Variants in RRH observed in about 807,000 individuals in gnomAD.
The protein encoded by RRH is visual pigment-like receptor peropsin.
A neutral mutation model predicts 33.1 loss-of-function variants in RRH; 36 were observed. The observed-to-expected ratio is 1.09, with a 90% CI of 0.83 to 1.44. The LOEUF (loss-of-function observed/expected upper bound fraction) is 1.44. RRH is among the 40% of genes most tolerant of loss of function. The pLI, the probability that RRH is intolerant of heterozygous loss-of-function variation, is 0.00. For missense variants in RRH, 393 were observed against 420.2 expected, an observed-to-expected ratio of 0.94 and a Z score of 0.57; for synonymous variants, 124 against 140.2, an observed-to-expected ratio of 0.88 and a Z score of 0.82.
Position 109,844,274 on chromosome 4 carries a change from G to T in RRH, c.*77G>T, listed in dbSNP as rs147927116. On this transcript the variant is annotated 3_prime_UTR_variant, in exon 7 of 7. Coordinates refer to ENST00000317735, the MANE Select transcript of RRH (RefSeq NM_006583.5). ...TTTCTTTTAAATATGAGCCCATTTAGATCAAGTGCAGACATGGATCATTGT... is the reference window on the plus strand; with the variant it reads ...TTTCTTTTAAATATGAGCCCATTTATATCAAGTGCAGACATGGATCATTGT... The T allele has an allele frequency of 1.6e-3, 1,459 of 896,556 alleles. 4 individuals are homozygous for T. The African/African-American group carries it at 0.018, about 11-fold the overall frequency. The allele number at this position is 896,556 out of a possible 1,614,324, so 55.5% of individuals were successfully genotyped here.
intron 1 of RRH, among the ~76,000 whole-genome samples, chr4:109,831,095 C>T (rs548016810): frequency 6.6e-6 from 1 of 152,276 alleles, no homozygotes; most frequent in Admixed American, 6.5e-5. Context: ...TAGTTCATAA[C>T]CCCCATTATT....
At chr4:109,829,455 CT>C (rs970151509) in intron 1 of RRH, among the ~76,000 whole-genome samples, 2 of 150,850 alleles carry the variant, frequency 1.3e-5, no homozygotes, top group Non-Finnish European at 3.0e-5. Flanking sequence ...CAAAACTATC[CT>C]TTTTTGACCT....
intron 6 of RRH, 86 bp from the exon 7 acceptor site, chr4:109,843,997 T>C: frequency 1.2e-6 from 1 of 839,112 alleles, no homozygotes; most frequent in South Asian, 1.3e-5. Flanking sequence ...AAATTGGCAG[T>C]AGTGGCATCT....
intron 4 of RRH, 42 bp from the exon 5 acceptor site, chr4:109,837,395 G>T (rs4698750): frequency 0.16 from 240,563 of 1,536,680 alleles, 22,778 homozygotes; most frequent in Admixed American, 0.42. Context: ...CCCCACTTAG[G>T]ACATTAAATG....
intron 4 of RRH, among the ~76,000 whole-genome samples, chr4:109,836,531 A>G (rs1443361655): frequency 6.6e-6 from 1 of 152,210 alleles, no homozygotes; most frequent in Non-Finnish European, 1.5e-5. Context: ...GCAAAAGCCC[A>G]GGCTGCCTCC....
rs1017030569 is a variant in RRH at position 109,844,665 on chromosome 4, A to C, written c.*468A>C. 6.4e-6 allele frequency: 1 copy of C among 157,390 alleles called. No individual in the cohort carries two copies. The highest frequency in any genetic ancestry group is 6.2e-5 in the Admixed American group (1 of 16,226). 9.7% of individuals were successfully genotyped at this position (157,390 alleles called of 1,614,324 possible). A position where few individuals can be genotyped will look rare whatever the true frequency, so the allele number is the denominator to read the frequency against. ...TAAATCAATTAACTTATGTTATTAA[A>C]CAAAAATAAATGAACATTAAACATG... On this transcript the variant is annotated 3_prime_UTR_variant, in exon 7 of 7. Coordinates refer to ENST00000317735, the MANE Select transcript of RRH (RefSeq NM_006583.5).
At chr4:109,834,497 T>A (rs1733836420) in intron 2 of RRH, among the ~76,000 whole-genome samples, 1 of 230 alleles carries the variant, frequency 4.3e-3, no homozygotes, top group Admixed American at 0.1. Flanking sequence ...GCCTGGCTAA[T>A]TTTTTTTTTT....
At position 109,839,096 on chromosome 4, in the gene RRH, G is replaced by GTTTTTGTTTCTTTTTGTTTCTACTTTC. The variant is rs1172324070; in HGVS notation, c.720+1492_720+1493insTTTTGTTTCTTTTTGTTTCTACTTTCT. Reference sequence around the variant, plus strand: ...TTGTCTATTTTTGTTTGTTTCTTTTGTGGTTGTTGTTTGTTTCTTTTTGTT... The same window carrying GTTTTTGTTTCTTTTTGTTTCTACTTTC: ...TTGTCTATTTTTGTTTGTTTCTTTTGTTTTTGTTTCTTTTTGTTTCTACTTTCTGGTTGTTGTTTGTTTCTTTTTGTT... On this transcript the variant is annotated intron_variant, in intron 5 of 6. Transcript: ENST00000317735. Among the ~76,000 whole-genome samples the GTTTTTGTTTCTTTTTGTTTCTACTTTC allele has an allele frequency of 2.7e-3, 405 of 149,568 alleles. 2 individuals carry two copies. Among genetic ancestry groups the GTTTTTGTTTCTTTTTGTTTCTACTTTC allele is most frequent in the African/African-American group, 9.5e-3 (380 of 39,830 alleles).
chr4:109,828,916 TAC>T (rs1414244629), intron 1 of RRH, among the ~76,000 whole-genome samples: 3 of 152,074 alleles, frequency 2.0e-5, no homozygotes, highest in Non-Finnish European at 4.4e-5. Flanking sequence ...CTTTCCTCCC[TAC>T]ACACTCATTG....
intron 5 of RRH, among the ~76,000 whole-genome samples, 155 bp downstream of exon 5, chr4:109,837,760 T>C (rs914824160): frequency 6.6e-6 from 1 of 152,176 alleles, no homozygotes; most frequent in African/African-American, 2.4e-5. Flanking sequence ...TTTCTTTTTT[T>C]GCTTTTATTT....
At chr4:109,833,471 C>T in intron 2 of RRH, 142 bp downstream of exon 2, 1 of 689,924 alleles carries the variant, frequency 1.4e-6, no homozygotes, top group Non-Finnish European at 2.5e-6. Flanking sequence ...ACAGAAGTGA[C>T]TAGGAATATA....
intron 4 of RRH, among the ~76,000 whole-genome samples, chr4:109,836,583 G>C (rs930153673): frequency 6.6e-6 from 1 of 152,220 alleles, no homozygotes; most frequent in African/African-American, 2.4e-5. Flanking sequence ...AGCACATTCT[G>C]AGAACTGCGT....
intron 5 of RRH, among the ~76,000 whole-genome samples, 155 bp from the exon 6 acceptor site, chr4:109,842,314 T>C (rs1160573815): frequency 1.3e-5 from 2 of 152,052 alleles, no homozygotes; most frequent in Non-Finnish European, 2.9e-5. Flanking sequence ...AAAAAGAACA[T>C]TGAAGGCAGA....
chr4:109,836,115 A>C lies in RRH; in HGVS notation c.506A>C (p.Asp169Ala). ...PIIGWASYAP[D>A]PTGATCTINW... Reference sequence around the variant, plus strand: ...ATAGGGTGGGCTAGTTATGCCCCAGATCCTACTGGTGCTACGTGTACCATA... The same window carrying C: ...ATAGGGTGGGCTAGTTATGCCCCAGCTCCTACTGGTGCTACGTGTACCATA... Residue 169 changes from aspartate to alanine, a missense_variant, in exon 4 of 7, where the codon GAT (aspartate) becomes GCT (alanine). Coordinates refer to ENST00000317735, the MANE Select transcript of RRH (RefSeq NM_006583.5). The C allele has an allele frequency of 6.2e-7, 1 of 1,614,148 alleles. No homozygotes were observed. The highest frequency in any genetic ancestry group is 1.1e-5 in the South Asian group (1 of 91,086).
At chr4:109,835,521 C>G (rs1002094563) in intron 3 of RRH, 56 bp downstream of exon 3, 5 of 1,138,254 alleles carry the variant, frequency 4.4e-6, no homozygotes, top group African/African-American at 1.5e-5. Context: ...AATGGCCACT[C>G]AATATATATA....
chr4:109,842,701 T>G (rs1275421445), intron 6 of RRH, 54 bp downstream of exon 6: 8 of 1,482,016 alleles, frequency 5.4e-6, no homozygotes, highest in Non-Finnish European at 6.6e-6. Flanking sequence ...ATAAAAAGAA[T>G]GTTAAGACTT....
chr4:109,840,130 T>C (rs181326745), intron 5 of RRH, among the ~76,000 whole-genome samples: 277 of 152,294 alleles, frequency 1.8e-3, no homozygotes, highest in Middle Eastern at 0.01. Context: ...CCAGCATCTG[T>C]TATTTTTTGA....
chr4:109,829,893 C>T (rs140562985), intron 1 of RRH, among the ~76,000 whole-genome samples: 65 of 152,266 alleles, frequency 4.3e-4, no homozygotes, highest in African/African-American at 1.6e-3. Flanking sequence ...GCCCCTGTAT[C>T]AAGCATCTAT....
intron 5 of RRH, among the ~76,000 whole-genome samples, 162 bp from the exon 6 acceptor site, chr4:109,842,307 A>G (rs1733999272): frequency 6.6e-6 from 1 of 152,190 alleles, no homozygotes; most frequent in Admixed American, 6.5e-5. Flanking sequence ...CACTTGAAAA[A>G]AGAACATTGA....
Sources: allele counts gnomAD v4.1 joint callset (sites outside exome capture counted in the v4.1 genomes callset), GRCh38; gene constraint gnomAD v4.1.1; transcripts MANE v1.5; gene names NCBI Gene and HGNC (gene_info 2026-07-23, HGNC 2026-07-21).